Variants in CNTNAP3B observed in about 807,000 individuals in gnomAD.
CNTNAP3B encodes contactin-associated protein-like 3B.
A neutral mutation model predicts 108.9 loss-of-function variants in CNTNAP3B; 25 were observed. The observed-to-expected ratio is 0.23, with a 90% CI of 0.17 to 0.32. CNTNAP3B has a LOEUF of 0.32. CNTNAP3B is among the 10% of genes least tolerant of loss of function. The pLI is 1.00. For missense variants in CNTNAP3B, 252 were observed against 1,210.4 expected (o/e 0.21, Z 11.75); for synonymous variants, 103 against 473.4 (o/e 0.22, Z 10.16).
rs1342851433 is a variant in CNTNAP3B, at chr9:42,097,559, T to A, written c.196+7070A>T. ...CTTTCCAAAATTTAGTAAGAATAGC[T>A]AAGTACAAATCTAAAAAAATAATTA... On this transcript the variant is annotated intron_variant, in intron 2 of 23. Coordinates refer to ENST00000377561, the MANE Select transcript of CNTNAP3B (RefSeq NM_001201380.3). Among the ~76,000 whole-genome samples, 3 of 140,274 alleles carry A rather than the reference T, an allele frequency of 2.1e-5. 1 individual carries two copies. The highest frequency in any genetic ancestry group is 4.6e-5 in the Non-Finnish European group (3 of 65,202). 92.0% of individuals were successfully genotyped at this position (140,274 alleles called of 152,430 possible). A position where few individuals can be genotyped will look rare whatever the true frequency, so the allele number is the denominator to read the frequency against.
intron 11 of CNTNAP3B, among the ~76,000 whole-genome samples, chr9:41,964,153 G>T (rs1382247568): frequency 2.0e-5 from 3 of 152,302 alleles, no homozygotes; most frequent in African/African-American, 7.2e-5. Context: ...CTGGCAAGGG[G>T]TTGTTTTTCC....
intron 13 of CNTNAP3B, among the ~76,000 whole-genome samples, chr9:41,941,962 A>C (rs1824359796): frequency 6.6e-6 from 1 of 152,284 alleles, no homozygotes; most frequent in Non-Finnish European, 1.5e-5. Context: ...ACATTTTTGA[A>C]ATAAGCGCTG....
intron 10 of CNTNAP3B, among the ~76,000 whole-genome samples, chr9:41,966,474 G>C (rs569568719): frequency 4.1e-4 from 63 of 152,366 alleles, no homozygotes; most frequent in African/African-American, 1.5e-3. Context: ...ACCAACAGAG[G>C]GGAAGATGGC....
Position 42,124,045 on chromosome 9 carries a change from T to C in CNTNAP3B, c.85+4965A>G, listed in dbSNP as rs916789616. The stretch of plus-strand genomic sequence containing the variant: ...AAACCACAGCCCAGGCAATACATAC[T>C]AGACCACGTCTTCTTGGTAATTTAA... On this transcript the variant is annotated intron_variant, in intron 1 of 23. Coordinates refer to ENST00000377561, the MANE Select transcript of CNTNAP3B (RefSeq NM_001201380.3). Among the ~76,000 whole-genome samples the C allele has an allele frequency of 5.9e-5, 8 of 136,004 alleles. 1 individual carries two copies. Among genetic ancestry groups the C allele is most frequent in the Non-Finnish European group, 1.1e-4 (7 of 64,234 alleles). 89.2% of individuals were successfully genotyped at this position (136,004 alleles called of 152,430 possible). A position where few individuals can be genotyped will look rare whatever the true frequency, so the allele number is the denominator to read the frequency against.
intron 1 of CNTNAP3B, among the ~76,000 whole-genome samples, chr9:42,125,971 C>A (rs553423098): frequency 1.4e-4 from 19 of 133,938 alleles, no homozygotes; most frequent in African/African-American, 5.7e-4. Flanking sequence ...GAGTCTGTTA[C>A]TCATCTGCAG....
intron 3 of CNTNAP3B, among the ~76,000 whole-genome samples, chr9:42,056,514 C>G (rs1416764564): frequency 7.3e-6 from 1 of 137,540 alleles, no homozygotes; most frequent in African/African-American, 2.9e-5. Flanking sequence ...CCACACCTGG[C>G]TAATTTTTTG....
chr9:42,121,950 A>G (rs1828472870), intron 1 of CNTNAP3B, among the ~76,000 whole-genome samples: 2 of 140,048 alleles, frequency 1.4e-5, no homozygotes, highest in South Asian at 2.3e-4. Context: ...AGCAAACAGT[A>G]TGAGCATCAG....
rs2935316 is a variant in CNTNAP3B, at chr9:41,953,215, C to T, written c.2048G>A (p.Arg683His). The change falls in exon 13 of 24, where the codon CGC becomes CAC. Residue 683 changes from arginine to histidine, a missense_variant. Transcript: ENST00000377561. ...GTCCGGGCGCCGCGCTGTCCCGCAG[C>T]GCAGAGCCAGCCGCTGCTCGCAGCG... ...AERCEQRLAL[R>H]CGTARRPDSR... 53 of 1,531,436 alleles carry T rather than the reference C, an allele frequency of 3.5e-5. No homozygotes were observed. Among genetic ancestry groups the T allele is most frequent in the Non-Finnish European group, 3.5e-5 (40 of 1,148,684 alleles). 94.9% of individuals were successfully genotyped at this position (1,531,436 alleles called of 1,614,324 possible).
chr9:42,032,912 G>A (rs868027097), intron 3 of CNTNAP3B, among the ~76,000 whole-genome samples: 1,639 of 137,350 alleles, frequency 0.012, 22 homozygotes, highest in African/African-American at 0.041. Flanking sequence ...TAAGACCACC[G>A]TCCTACAGGA....
intron 18 of CNTNAP3B, among the ~76,000 whole-genome samples, chr9:41,917,875 T>C (rs1042092383): frequency 3.2e-3 from 479 of 151,596 alleles, no homozygotes; most frequent in African/African-American, 0.011. Context: ...CTTGGCTATA[T>C]CCATATAGAG....
chr9:41,990,444 C>T (rs1205943374), intron 8 of CNTNAP3B, among the ~76,000 whole-genome samples: 13 of 131,882 alleles, frequency 9.9e-5, no homozygotes, highest in Non-Finnish European at 1.7e-4. Context: ...GATTCTAACA[C>T]CCAGGACTTG....
At chr9:42,086,318 G>A (rs1251539274) in intron 2 of CNTNAP3B, among the ~76,000 whole-genome samples, 1 of 137,680 alleles carries the variant, frequency 7.3e-6, no homozygotes, top group East Asian at 2.2e-4. Context: ...TACAATTCAA[G>A]ATGAGATCTG....
intron 13 of CNTNAP3B, among the ~76,000 whole-genome samples, chr9:41,952,317 A>G (rs1255576103): frequency 6.6e-6 from 1 of 152,188 alleles, no homozygotes; most frequent in African/African-American, 2.4e-5. Flanking sequence ...CTGCTGCCCA[A>G]GCTGGAGGCA....
At chr9:41,923,894 C>G (rs1384499517) in intron 16 of CNTNAP3B, 29 bp downstream of exon 16, 7 of 1,611,258 alleles carry the variant, frequency 4.3e-6, no homozygotes, top group African/African-American at 4.0e-5. Flanking sequence ...AATGGGTACC[C>G]TGTGACTTGT....
chr9:41,952,770 G>A (rs1453827917), intron 13 of CNTNAP3B, among the ~76,000 whole-genome samples: 1 of 150,658 alleles, frequency 6.6e-6, no homozygotes, highest in East Asian at 1.9e-4. Flanking sequence ...CTAAAGGGAG[G>A]AAACAAAGGT....
chr9:41,918,222 A>G (rs1823571697), intron 18 of CNTNAP3B, among the ~76,000 whole-genome samples: 1 of 150,752 alleles, frequency 6.6e-6, no homozygotes, highest in Non-Finnish European at 1.5e-5. Flanking sequence ...GTAACTAGAG[A>G]AAAGGTGATT....
chr9:41,942,494 C>T (rs1824384473), intron 13 of CNTNAP3B, among the ~76,000 whole-genome samples: 3 of 151,410 alleles, frequency 2.0e-5, no homozygotes, highest in South Asian at 2.1e-4. Context: ...GCCTGTAGTC[C>T]CAGCTACTGG....
chr9:41,940,440 AT>A (rs1156350817), intron 13 of CNTNAP3B, among the ~76,000 whole-genome samples: 1 of 152,406 alleles, frequency 6.6e-6, no homozygotes, highest in East Asian at 1.9e-4. Context: ...GGAATGGCAT[AT>A]TTTTTTTCAG....
intron 1 of CNTNAP3B, among the ~76,000 whole-genome samples, chr9:42,127,966 A>G (rs1214640860): frequency 5.7e-5 from 8 of 139,820 alleles, no homozygotes; most frequent in Admixed American, 1.4e-4. Context: ...GGCCACTAGC[A>G]TTTATTGGAA....
Sources: gnomAD v4.1 joint callset for allele counts (sites outside exome capture counted in the v4.1 genomes callset) on GRCh38, gnomAD v4.1.1 for gene constraint, MANE v1.5 for transcripts, NCBI Gene and HGNC (gene_info 2026-07-23, HGNC 2026-07-21) for gene names.